Variants in ZNF611 observed in about 807,000 individuals in gnomAD.
The protein encoded by ZNF611 is zinc finger protein 611.
Under a neutral mutation model 8.9 loss-of-function variants are expected in ZNF611, and 6 were observed. That is an observed-to-expected ratio of 0.68 (90% CI 0.37 to 1.34). The LOEUF (loss-of-function observed/expected upper bound fraction) is 1.34. Ranked by LOEUF, ZNF611 falls within the 40% of genes most tolerant of loss-of-function variation. The probability of loss-of-function intolerance (pLI) is 0.02; values close to 1 mark genes in which losing one functional copy is unlikely to be tolerated. For missense variants in ZNF611, 874 were observed against 841.3 expected, an observed-to-expected ratio of 1.04 and a Z score of -0.48; for synonymous variants, 262 against 279.7, an observed-to-expected ratio of 0.94 and a Z score of 0.63.
intron 3 of ZNF611, among the ~76,000 whole-genome samples, chr19:52,720,411 G>A (rs1274294314): frequency 1.3e-5 from 2 of 149,912 alleles, no homozygotes; most frequent in African/African-American, 2.5e-5. Context: ...GGGCGGCCGG[G>A]CAGAGGCACT....
intron 3 of ZNF611, among the ~76,000 whole-genome samples, chr19:52,725,960 G>C (rs1028072288): frequency 2.6e-5 from 4 of 152,242 alleles, no homozygotes; most frequent in African/African-American, 9.6e-5. Flanking sequence ...GGAGGTGAGA[G>C]CGGCCAGGAA....
chr19:52,716,632 A>C (rs547167163), intron 3 of ZNF611, among the ~76,000 whole-genome samples: 15 of 152,322 alleles, frequency 9.8e-5, no homozygotes, highest in Admixed American at 9.1e-4. Flanking sequence ...GGGGCCCCAA[A>C]TCACTAAGCA....
intron 5 of ZNF611, among the ~76,000 whole-genome samples, chr19:52,712,873 A>C (rs1478996532): frequency 6.6e-6 from 1 of 152,210 alleles, no homozygotes; most frequent in East Asian, 1.9e-4. Flanking sequence ...ACACACATAC[A>C]GTGGAATATT....
intron 5 of ZNF611, among the ~76,000 whole-genome samples, chr19:52,709,873 A>G (rs556018177): frequency 6.6e-6 from 1 of 152,114 alleles, no homozygotes; most frequent in Admixed American, 6.5e-5. Context: ...GGCAAAGACT[A>G]GTGCTTTTAT....
chr19:52,716,592 G>T (rs1291939419), intron 3 of ZNF611, among the ~76,000 whole-genome samples: 2 of 152,146 alleles, frequency 1.3e-5, no homozygotes, highest in African/African-American at 4.8e-5. Flanking sequence ...TAGGGTGAGG[G>T]TTGGGCTGTG....
intron 3 of ZNF611, among the ~76,000 whole-genome samples, chr19:52,722,094 G>A (rs961036089): frequency 2.6e-5 from 4 of 151,796 alleles, no homozygotes; most frequent in African/African-American, 9.7e-5. Flanking sequence ...AGGTGCGGTG[G>A]CTCATCCCTA....
chr19:52,734,456 T>C (rs949422700), intron 1 of ZNF611, among the ~76,000 whole-genome samples: 3 of 150,162 alleles, frequency 2.0e-5, no homozygotes, highest in Admixed American at 1.4e-4. Flanking sequence ...ACCTCCCCAG[T>C]GCAGGTTCAA....
chr19:52,704,723 G>A lies in ZNF611; in HGVS notation c.*214C>T. 6.3e-7 allele frequency: 1 copy of A among 1,599,100 alleles called. No individual in the cohort carries two copies. The highest frequency in any genetic ancestry group is 1.3e-5 in the African/African-American group (1 of 74,732). On this transcript the variant is annotated 3_prime_UTR_variant, in exon 6 of 6. Transcript: ENST00000652185. ...CCTACACCATGAATTGCCTGATGGTGAATAAGTGTTGACTGCTTGCCAAAG... is the reference window on the plus strand; with the variant it reads ...CCTACACCATGAATTGCCTGATGGTAAATAAGTGTTGACTGCTTGCCAAAG...
At chr19:52,710,189 A>G (rs1033697191) in intron 5 of ZNF611, among the ~76,000 whole-genome samples, 6 of 150,612 alleles carry the variant, frequency 4.0e-5, no homozygotes, top group African/African-American at 1.5e-4. Context: ...CCTCTTGAGT[A>G]GCAGGGAGTA....
chr19:52,720,090 G>A (rs570135536), intron 3 of ZNF611, among the ~76,000 whole-genome samples: 251 of 152,276 alleles, frequency 1.6e-3, no homozygotes, highest in African/African-American at 5.8e-3. Flanking sequence ...GTTGGGGGTA[G>A]GGTTACACAT....
Position 52,704,986 on chromosome 19 carries a change from T to A in ZNF611, c.2069A>T (p.Gln690Leu), listed in dbSNP as rs779133620. ...CNECGKAFNQ[Q>L]SHLSRHHRIH... is the part of the protein sequence containing the mutation. ...TCTATGATGACGTGAAAGGTGTGAT[T>A]GTTGATTAAAAGCCTTCCCACATTC... is the stretch of plus-strand genomic sequence containing the variant. The change falls in exon 6 of 6, where the codon CAA becomes CTA. Residue 690 changes from glutamine (Q) to leucine (L), a missense_variant. Transcript: ENST00000652185. 1 of 1,614,044 alleles carries A rather than the reference T, an allele frequency of 6.2e-7. No homozygotes were observed. The highest frequency in any genetic ancestry group is 2.2e-5 in the East Asian group (1 of 44,890).
At chr19:52,722,099 T>C (rs916685657) in intron 3 of ZNF611, among the ~76,000 whole-genome samples, 4 of 151,694 alleles carry the variant, frequency 2.6e-5, no homozygotes, top group African/African-American at 9.7e-5. Flanking sequence ...CGGTGGCTCA[T>C]CCCTATAATC....
rs190825654 is a variant in ZNF611, at chr19:52,707,347, G to A, written c.191-483C>T. The A allele has an allele frequency of 6.1e-3, 920 of 150,908 alleles. 9 individuals carry two copies. The highest frequency in any genetic ancestry group is 0.024 in the South Asian group (116 of 4,784). The allele number at this position is 150,908 out of a possible 1,614,324, so 9.3% of individuals were successfully genotyped here. ...GATAACCAAAAGCAATGGAAATTCC[G>A]TATTGTCAAACAATTATAGCACTGA... On this transcript the variant is annotated intron_variant, in intron 5 of 5. Transcript: ENST00000652185.
At chr19:52,726,534 C>A (rs577099486) in intron 3 of ZNF611, among the ~76,000 whole-genome samples, 2 of 151,082 alleles carry the variant, frequency 1.3e-5, no homozygotes, top group Middle Eastern at 3.2e-3. Context: ...CATTCTCCTG[C>A]CTGAGAGTTG....
rs1031056122 is a variant in ZNF611, at chr19:52,703,089, G to A, written c.*1848C>T. On this transcript the variant is annotated 3_prime_UTR_variant, in exon 6 of 6. Coordinates refer to ENST00000652185, the MANE Select transcript of ZNF611 (RefSeq NM_001161499.2). ...GAATGATGTGAGCTGATTATAGGAT[G>A]CTGCAAAGGCATCTTTCAGAAGTCA... 11 of 152,108 alleles carry A rather than the reference G, an allele frequency of 7.2e-5. No homozygotes were observed. The highest frequency in any genetic ancestry group is 1.3e-4 in the Non-Finnish European group (9 of 68,032). The allele number at this position is 152,108 out of a possible 1,614,324, so 9.4% of individuals were successfully genotyped here. A position where few individuals can be genotyped will look rare whatever the true frequency, so the allele number is the denominator to read the frequency against.
rs1319755844 is a variant in ZNF611, at chr19:52,702,940, A to G, written c.*1997T>C. The G allele has an allele frequency of 6.6e-6, 1 of 152,324 alleles. No individual in the cohort carries two copies. Among genetic ancestry groups the G allele is most frequent in the East Asian group, 1.9e-4 (1 of 5,184 alleles). The allele number at this position is 152,324 out of a possible 1,614,324, so 9.4% of individuals were successfully genotyped here. The stretch of plus-strand genomic sequence containing the variant: ...ATAACAAAGACTAGAAAGCATGCAG[A>G]CATTGATATGAACTGGATGCAACTA... On this transcript the variant is annotated 3_prime_UTR_variant, in exon 6 of 6. Transcript: ENST00000652185.
At position 52,704,772 on chromosome 19, in the gene ZNF611, G is replaced by A. The variant is rs2062227502; in HGVS notation, c.*165C>T. ...AGGCTTTGCCACACTCATTACACTT[G>A]TAAGGTTTCTCTCCAGTGTGAAGTC... On this transcript the variant is annotated 3_prime_UTR_variant, in exon 6 of 6. Coordinates refer to ENST00000652185, the MANE Select transcript of ZNF611 (RefSeq NM_001161499.2). The A allele has an allele frequency of 1.1e-5, 17 of 1,594,280 alleles. No individual in the cohort carries two copies. The highest frequency in any genetic ancestry group is 1.5e-5 in the Non-Finnish European group (17 of 1,162,732).
chr19:52,719,644 G>A (rs561911590), intron 3 of ZNF611, among the ~76,000 whole-genome samples: 1 of 152,218 alleles, frequency 6.6e-6, no homozygotes, highest in Non-Finnish European at 1.5e-5. Context: ...CTTCATTACT[G>A]TTCCATCATT....
At chr19:52,710,179 C>T (rs1369422708) in intron 5 of ZNF611, among the ~76,000 whole-genome samples, 1 of 151,792 alleles carries the variant, frequency 6.6e-6, no homozygotes, top group Non-Finnish European at 1.5e-5. Flanking sequence ...CATGCCTCAG[C>T]CTCTTGAGTA....
Sources: gnomAD v4.1 joint callset for allele counts (sites outside exome capture counted in the v4.1 genomes callset) on GRCh38, gnomAD v4.1.1 for gene constraint, MANE v1.5 for transcripts, NCBI Gene and HGNC (gene_info 2026-07-23, HGNC 2026-07-21) for gene names.